Variants in ADARB2 observed in about 807,000 individuals in gnomAD.
ADARB2 encodes inactive double-stranded RNA-specific editase B2.
In ADARB2, 25 loss-of-function variants were observed where a neutral mutation model predicts 62.2. That is an observed-to-expected ratio of 0.40 (90% CI 0.29 to 0.56). The LOEUF (loss-of-function observed/expected upper bound fraction) is 0.56, where lower values mean the gene tolerates loss of function less well. Among genes scored for constraint, ADARB2 ranks in the 20% least tolerant of loss-of-function variants. The pLI is 0.43. For synonymous variants in ADARB2, 572 were observed against 500.8 expected, an observed-to-expected ratio of 1.14 and a Z score of -1.90; for missense variants, 1,071 against 1,077.4, an observed-to-expected ratio of 0.99 and a Z score of 0.08.
At chr10:1,734,655 T>A (rs1405509022) in intron 1 of ADARB2, among the ~76,000 whole-genome samples, 1 of 152,214 alleles carries the variant, frequency 6.6e-6, no homozygotes, top group African/African-American at 2.4e-5. Flanking sequence ...GTATCTTAAT[T>A]GTCTTTATTC....
At chr10:1,295,659 A>G (rs1388705343) in intron 3 of ADARB2, among the ~76,000 whole-genome samples, 1 of 144,954 alleles carries the variant, frequency 6.9e-6, no homozygotes, top group Non-Finnish European at 1.5e-5. Context: ...ACTTATTTAG[A>G]GATCAGAAAT....
chr10:1,378,744 C>A (rs764551653), intron 2 of ADARB2, among the ~76,000 whole-genome samples: 4 of 151,872 alleles, frequency 2.6e-5, no homozygotes, highest in Non-Finnish European at 5.9e-5. Flanking sequence ...AGACTGCAGG[C>A]AAGGGTGGGA....
chr10:1,535,940 T>G (rs925346052), intron 1 of ADARB2, among the ~76,000 whole-genome samples: 6 of 152,142 alleles, frequency 3.9e-5, no homozygotes, highest in Non-Finnish European at 5.9e-5. Flanking sequence ...TTTCCTTTCA[T>G]TTGAAAGGGA....
chr10:1,243,860 A>G (rs1830951633), intron 4 of ADARB2, among the ~76,000 whole-genome samples: 1 of 152,220 alleles, frequency 6.6e-6, no homozygotes, highest in Non-Finnish European at 1.5e-5. Flanking sequence ...GTGCCCGAAG[A>G]GAACTCCATG....
intron 1 of ADARB2, among the ~76,000 whole-genome samples, chr10:1,521,864 T>C (rs1204970495): frequency 1.3e-5 from 2 of 151,538 alleles, no homozygotes; most frequent in East Asian, 3.9e-4. Flanking sequence ...ATGTATTTGA[T>C]TGAAGTCTCA....
At chr10:1,562,629 G>A (rs540383641) in intron 1 of ADARB2, among the ~76,000 whole-genome samples, 1 of 152,336 alleles carries the variant, frequency 6.6e-6, no homozygotes, top group South Asian at 2.1e-4. Flanking sequence ...TCCTAAAAAG[G>A]AGAATGACAC....
rs1564353064 is a variant in ADARB2, at chr10:1,633,562, ATCT to A, written c.100+103486_100+103488del. Among the ~76,000 whole-genome samples, 37 of 141,178 alleles carry A rather than the reference ATCT, an allele frequency of 2.6e-4. 1 individual carries two copies. Among genetic ancestry groups the A allele is most frequent in the African/African-American group, 9.9e-4 (36 of 36,374 alleles). 92.6% of individuals were successfully genotyped at this position (141,178 alleles called of 152,430 possible). On this transcript the variant is annotated intron_variant, in intron 1 of 9. Transcript: ENST00000381312. ...CTGTCTATCTATCATCTATCTATCT[ATCT>A]ATCTATCTATCTATCTATCTATCTA...
intron 3 of ADARB2, among the ~76,000 whole-genome samples, chr10:1,341,357 G>A (rs779116553): frequency 2.0e-5 from 3 of 148,110 alleles, no homozygotes; most frequent in Non-Finnish European, 4.5e-5. Context: ...GCCCTGCAAC[G>A]GCGATAATCA....
intron 1 of ADARB2, among the ~76,000 whole-genome samples, chr10:1,615,005 A>G (rs2132023086): frequency 6.6e-6 from 1 of 151,960 alleles, no homozygotes; most frequent in South Asian, 2.1e-4. Flanking sequence ...GTTGGGGAGG[A>G]GCTCATGGGC....
chr10:1,375,230 G>C (rs1832411862), intron 2 of ADARB2, among the ~76,000 whole-genome samples: 4 of 152,202 alleles, frequency 2.6e-5, no homozygotes, highest in Admixed American at 2.0e-4. Flanking sequence ...CCCAACCTCT[G>C]GGCGGTGGTC....
chr10:1,261,422 C>T (rs4880804), intron 4 of ADARB2, among the ~76,000 whole-genome samples: 49,248 of 145,760 alleles, frequency 0.34, 9,001 homozygotes, highest in South Asian at 0.51. Flanking sequence ...AGGGCTAATA[C>T]CCAGAATCTA....
intron 1 of ADARB2, among the ~76,000 whole-genome samples, chr10:1,524,954 CA>C (rs1014115928): frequency 1.3e-5 from 2 of 152,212 alleles, no homozygotes; most frequent in African/African-American, 4.8e-5. Flanking sequence ...TTTATATCCA[CA>C]AATACATACT....
At chr10:1,606,903 T>G (rs1833501405) in intron 1 of ADARB2, among the ~76,000 whole-genome samples, 1 of 152,226 alleles carries the variant, frequency 6.6e-6, no homozygotes, top group Non-Finnish European at 1.5e-5. Flanking sequence ...TGCCATTTTG[T>G]ACTGATTTTG....
At chr10:1,521,933 C>G (rs1477369503) in intron 1 of ADARB2, among the ~76,000 whole-genome samples, 2 of 152,196 alleles carry the variant, frequency 1.3e-5, no homozygotes, top group African/African-American at 4.8e-5. Flanking sequence ...CACATGTTCT[C>G]AGGATCTCCT....
At chr10:1,678,706 C>G (rs1834499671) in intron 1 of ADARB2, among the ~76,000 whole-genome samples, 1 of 152,090 alleles carries the variant, frequency 6.6e-6, no homozygotes, top group African/African-American at 2.4e-5. Flanking sequence ...CCTTTGCTTG[C>G]AGGTAACTCC....
In ADARB2 at chr10:1,482,673, T is replaced by C. The variant is rs1831488662; in HGVS notation, c.101-103513A>G. 2.0e-5 allele frequency among the ~76,000 whole-genome samples: 3 copies of C among 152,318 alleles called. No homozygotes were observed. The South Asian group carries it at 6.2e-4, about 32-fold the overall frequency. Reference sequence around the variant, plus strand: ...AAAGTGGTAAATTTTGTATTATGTGTATTTTACCACAAAAAAGATGAAACA... The same window carrying C: ...AAAGTGGTAAATTTTGTATTATGTGCATTTTACCACAAAAAAGATGAAACA... On this transcript the variant is annotated intron_variant, in intron 1 of 9. Coordinates refer to ENST00000381312, the MANE Select transcript of ADARB2 (RefSeq NM_018702.4).
intron 1 of ADARB2, among the ~76,000 whole-genome samples, chr10:1,432,668 G>T (rs1830788602): frequency 1.3e-5 from 2 of 151,580 alleles, no homozygotes; most frequent in African/African-American, 4.9e-5. Context: ...TCTGGCTGTG[G>T]TACAGATTGC....
intron 3 of ADARB2, among the ~76,000 whole-genome samples, chr10:1,358,804 A>T (rs916624991): frequency 6.6e-6 from 1 of 152,132 alleles, no homozygotes; most frequent in Non-Finnish European, 1.5e-5. Context: ...AAAACAAAGA[A>T]ATAAAGGGGG....
intron 1 of ADARB2, among the ~76,000 whole-genome samples, chr10:1,460,553 C>T (rs12784875): frequency 8.6e-5 from 6 of 69,876 alleles, no homozygotes; most frequent in Non-Finnish European, 1.1e-4. Flanking sequence ...AGTTTACCTG[C>T]GTAACGAACC....
Sources: allele counts gnomAD v4.1 joint callset (sites outside exome capture counted in the v4.1 genomes callset), GRCh38; gene constraint gnomAD v4.1.1; transcripts MANE v1.5; gene names NCBI Gene and HGNC (gene_info 2026-07-23, HGNC 2026-07-21).